CD8B: variants seen among roughly 807,000 people sequenced by gnomAD.
The protein encoded by CD8B is CD8 subunit beta.
CD8B carries 6 observed loss-of-function variants against 24.2 expected under a neutral mutation model. That is an observed-to-expected ratio of 0.25 (90% CI 0.14 to 0.49). The LOEUF (loss-of-function observed/expected upper bound fraction) is 0.49, where lower values mean the gene tolerates loss of function less well. Ranked by LOEUF, CD8B falls within the 20% of genes least tolerant of loss-of-function variation. The pLI is 0.98. For synonymous variants in CD8B, 84 were observed against 108.3 expected (o/e 0.78, Z 1.39); for missense variants, 196 against 271.3 (o/e 0.72, Z 1.95).
intron 1 of CD8B, among the ~76,000 whole-genome samples, chr2:86,861,455 C>T (rs1676586166): frequency 6.6e-6 from 1 of 152,130 alleles, no homozygotes; most frequent in Admixed American, 6.5e-5. Flanking sequence ...GGCCAACCTT[C>T]CTCCGAGCAC....
rs570140309 is a variant in CD8B at position 86,826,696 on chromosome 2, G to C, written c.621-10978C>G. On this transcript the variant is annotated intron_variant, in intron 5 of 5. Transcript: ENST00000331469. Reference sequence around the variant, plus strand: ...GAACAGGTTCAAGGTTATTCCTGTAGACGACAGTGTCGCTCTCGCCCAAGT... The same window carrying C: ...GAACAGGTTCAAGGTTATTCCTGTACACGACAGTGTCGCTCTCGCCCAAGT... Among the ~76,000 whole-genome samples, 4 of 152,296 alleles carry C rather than the reference G, an allele frequency of 2.6e-5. No homozygotes were observed. In the East Asian group the frequency reaches 7.7e-4, roughly 29 times the overall value.
rs551636521 is a variant in CD8B, at chr2:86,852,854, T to A, written c.493+143A>T. 3.7e-6 allele frequency: 5 copies of A among 1,335,062 alleles called. No homozygotes were observed. In the African/African-American group the frequency reaches 4.5e-5, roughly 12 times the overall value. The allele number at this position is 1,335,062 out of a possible 1,614,324, so 82.7% of individuals were successfully genotyped here. On this transcript the variant is annotated intron_variant, in intron 3 of 5. Coordinates refer to ENST00000390655, the MANE Select transcript of CD8B (RefSeq NM_004931.5). Reference sequence around the variant, plus strand: ...CTGTGAGTTGCTGGCACACTCAGCATCCTTTCTGACCCTAGCTTAGGCCGG... The same window carrying A: ...CTGTGAGTTGCTGGCACACTCAGCAACCTTTCTGACCCTAGCTTAGGCCGG...
chr2:86,822,337 CCATTCTGGAA>C (rs1674512582), intron 5 of CD8B: 1 of 1,587,446 alleles, frequency 6.3e-7, no homozygotes, highest in Admixed American at 1.7e-5. Context: ...ATTCAGTAGT[CCATTCTGGAA>C]CATTTCTCCA....
At chr2:86,853,208 C>A (rs1227239306) in intron 2 of CD8B, 122 bp from the exon 3 acceptor site, 2 of 1,482,670 alleles carry the variant, frequency 1.3e-6, no homozygotes, top group Middle Eastern at 2.1e-4. Flanking sequence ...TTCCGGAGGC[C>A]AAGGCAGGAG....
rs549725584 is a variant in CD8B at position 86,815,699 on chromosome 2, A to G, written c.640T>C (p.Ser214Pro). The change falls in exon 6 of 6, where the codon TCA (serine) becomes CCA (proline). Residue 214 changes from serine to proline, a missense_variant. Coordinates refer to the CD8B transcript ENST00000331469. ...AGGCATTGGGGGACAAAGGTTCCTG[A>G]TATACCTTCCCCTTGAGGCCTTGCA... 16 of 1,607,072 alleles carry G rather than the reference A, an allele frequency of 1.0e-5. No homozygotes were observed. In the Admixed American group the frequency reaches 1.0e-4, roughly 10 times the overall value.
intron 5 of CD8B, among the ~76,000 whole-genome samples, chr2:86,824,689 G>C (rs983191740): frequency 3.9e-5 from 6 of 152,166 alleles, no homozygotes; most frequent in Non-Finnish European, 8.8e-5. Context: ...GAGGTGGAAA[G>C]AAGGTTCTAG....
intron 5 of CD8B, among the ~76,000 whole-genome samples, chr2:86,828,405 G>A (rs1674775992): frequency 6.6e-6 from 1 of 151,176 alleles, no homozygotes; most frequent in Non-Finnish European, 1.5e-5. Context: ...TTTATATTTT[G>A]GAAAATTTTA....
chr2:86,846,281 T>A (rs937401117), intron 4 of CD8B, among the ~76,000 whole-genome samples: 6 of 152,182 alleles, frequency 3.9e-5, no homozygotes, highest in Non-Finnish European at 7.3e-5. Flanking sequence ...CAAACTTTTC[T>A]GGACACTGGG....
intron 5 of CD8B, among the ~76,000 whole-genome samples, chr2:86,825,713 AAAGAT>A (rs1372989596): frequency 6.6e-6 from 1 of 152,198 alleles, no homozygotes; most frequent in Non-Finnish European, 1.5e-5. Flanking sequence ...CAACATGAGC[AAAGAT>A]AAGTGTTGGG....
chr2:86,818,642 C>T (rs1353986815), intron 5 of CD8B, among the ~76,000 whole-genome samples: 1 of 152,184 alleles, frequency 6.6e-6, no homozygotes, highest in African/African-American at 2.4e-5. Flanking sequence ...CTGACTGCTC[C>T]ATGACCAGCC....
chr2:86,854,614 A>G (rs12995944), intron 2 of CD8B, among the ~76,000 whole-genome samples: 1 of 152,104 alleles, frequency 6.6e-6, no homozygotes, highest in African/African-American at 2.4e-5. Context: ...GCAGTGGGCC[A>G]GCACCCAGAG....
chr2:86,816,089 A>C (rs1472553264), intron 5 of CD8B, among the ~76,000 whole-genome samples: 1 of 152,216 alleles, frequency 6.6e-6, no homozygotes, highest in African/African-American at 2.4e-5. Flanking sequence ...TGCCATGGTT[A>C]ATCAAGGTGA....
chr2:86,830,902 A>G (rs1674882032), intron 5 of CD8B, among the ~76,000 whole-genome samples: 1 of 152,032 alleles, frequency 6.6e-6, no homozygotes, highest in Non-Finnish European at 1.5e-5. Context: ...ATTTTATTAG[A>G]TTTTGTTATT....
Position 86,842,075 on chromosome 2 carries a change from TG to T in CD8B, c.*231del. On this transcript the variant is annotated 3_prime_UTR_variant, in exon 6 of 6. Coordinates refer to ENST00000390655, the MANE Select transcript of CD8B (RefSeq NM_004931.5). ...TTACTCAGTCCTCCAGCACACTCTG[TG>T]AAGTGCCCTGGGGGCAATGAAACCT... The T allele has an allele frequency of 1.5e-6, 2 of 1,310,656 alleles. No individual in the cohort carries two copies. The highest frequency in any genetic ancestry group is 2.0e-6 in the Non-Finnish European group (2 of 1,025,224). The allele number at this position is 1,310,656 out of a possible 1,614,324, so 81.2% of individuals were successfully genotyped here.
At chr2:86,833,906 C>T (rs1429511280), downstream of CD8B, among the ~76,000 whole-genome samples, 1 of 152,104 alleles carries the variant, frequency 6.6e-6, no homozygotes, top group Non-Finnish European at 1.5e-5. Context: ...ACCTCAGCCT[C>T]CCAAAGTGCT....
intron 5 of CD8B, among the ~76,000 whole-genome samples, chr2:86,819,129 G>C (rs1674369177): frequency 1.3e-5 from 2 of 152,132 alleles, no homozygotes; most frequent in South Asian, 4.1e-4. Context: ...AGCTAGGAGA[G>C]GTTGGTTGAT....
intron 5 of CD8B, among the ~76,000 whole-genome samples, chr2:86,821,009 C>T (rs1428004184): frequency 2.0e-5 from 3 of 152,060 alleles, no homozygotes; most frequent in African/African-American, 7.2e-5. Context: ...ATGTGCCAGC[C>T]CTAATTACTG....
At chr2:86,833,397 C>A (rs1675005709), downstream of CD8B, among the ~76,000 whole-genome samples, 1 of 151,462 alleles carries the variant, frequency 6.6e-6, no homozygotes, top group Admixed American at 6.6e-5. Context: ...CCAGGCTGGT[C>A]TCAAGCTCCT....
At chr2:86,820,368 C>T (rs537507013) in intron 5 of CD8B, among the ~76,000 whole-genome samples, 9 of 152,288 alleles carry the variant, frequency 5.9e-5, no homozygotes, top group South Asian at 4.1e-4. Context: ...TCCTATTTTA[C>T]GAAATTGGCA....
Sources: gnomAD v4.1 joint callset for allele counts (sites outside exome capture counted in the v4.1 genomes callset) on GRCh38, gnomAD v4.1.1 for gene constraint, MANE v1.5 for transcripts, NCBI Gene and HGNC (gene_info 2026-07-23, HGNC 2026-07-21) for gene names.